Variants in VPS33B observed in about 807,000 individuals in gnomAD.
VPS33B encodes VPS33B late endosome and lysosome associated, also known as vacuolar protein sorting-associated protein 33B.
In VPS33B, 80 loss-of-function variants were observed where a neutral mutation model predicts 95.3. The ratio of observed to expected loss-of-function variants is 0.84; its 90% CI spans 0.70 to 1.01. VPS33B has a LOEUF of 1.01. Among genes scored for constraint, VPS33B ranks in the 50% least tolerant of loss-of-function variants. The probability of loss-of-function intolerance (pLI) is 0.00; values close to 1 mark genes in which losing one functional copy is unlikely to be tolerated. For synonymous variants in VPS33B, 280 were observed against 280.4 expected, an observed-to-expected ratio of 1.00 and a Z score of 0.01; for missense variants, 715 against 773.4, an observed-to-expected ratio of 0.92 and a Z score of 0.90.
Position 91,005,699 on chromosome 15 carries a change from C to T in VPS33B, c.1025G>A (p.Ser342Asn). Residue 342 changes from serine to asparagine, a missense_variant, in exon 13 of 23, where the codon AGT (serine) becomes AAT (asparagine). Ser to Asn is a conservative substitution (Grantham distance 46). Coordinates refer to ENST00000333371, the MANE Select transcript of VPS33B (RefSeq NM_018668.5). This position sits in a 1 kb window ranked among gnomAD's most constrained non-coding sequence, Gnocchi z 6.4. ...CCCCTCAAGCTGAAACCTACGGAGA[C>T]TCAGCAGGCGGTGCTCCTGTTTCAG... ...KGLKQEHRLL[S>N]LHIGACESIM... is the part of the protein sequence containing the mutation. The T allele has an allele frequency of 6.2e-7, 1 of 1,614,158 alleles. No individual in the cohort carries two copies. Among genetic ancestry groups the T allele is most frequent in the Non-Finnish European group, 8.5e-7 (1 of 1,180,024 alleles).
In VPS33B at chr15:91,017,365, T is replaced by TAAAAAAAAAAA. The variant is rs1272281030; in HGVS notation, c.178-342_178-341insTTTTTTTTTTT. On this transcript the variant is annotated intron_variant, in intron 2 of 22. Transcript: ENST00000333371. ...TAACAAGACTCCATCTCTACAAAATTAAATATATATATATATATATATATA... is the reference window on the plus strand; with the variant it reads ...TAACAAGACTCCATCTCTACAAAATTAAAAAAAAAAAAAATATATATATATATATATATATA... Among the ~76,000 whole-genome samples the TAAAAAAAAAAA allele has an allele frequency of 2.2e-3, 37 of 17,000 alleles. 5 individuals carry two copies. Among genetic ancestry groups the TAAAAAAAAAAA allele is most frequent in the Middle Eastern group, 0.038 (1 of 26 alleles). 11.2% of individuals were successfully genotyped at this position (17,000 alleles called of 152,430 possible).
rs770408602 is a variant in VPS33B, at chr15:90,999,903, T to G, written c.1654A>C (p.Thr552Pro). ...RLLNCSDFAFTDMTKEDKASS... is the reference protein window; with the variant it reads ...RLLNCSDFAFPDMTKEDKASS... ...CCCCACTGTTAATGCCACATACCTGTGAATGCAAAGTCACTGCAGTTGAGC... is the reference window on the plus strand; with the variant it reads ...CCCCACTGTTAATGCCACATACCTGGGAATGCAAAGTCACTGCAGTTGAGC... Residue 552 changes from threonine (T) to proline (P), a missense_variant, in exon 21 of 23, where the codon ACA (threonine) becomes CCA (proline). Physicochemically the swap from Thr to Pro is conservative, Grantham distance 38 (BLOSUM62 -1). Transcript: ENST00000333371. The surrounding 1 kb of genome is among the most constrained non-coding windows in gnomAD (Gnocchi z 5.1). The G allele has an allele frequency of 7.4e-5, 119 of 1,614,064 alleles. 1 individual carries two copies. Among genetic ancestry groups the G allele is most frequent in the Non-Finnish European group, 9.2e-5 (109 of 1,180,036 alleles).
At chr15:91,003,800 G>T (rs1000845970) in intron 16 of VPS33B, among the ~76,000 whole-genome samples, 2 of 152,212 alleles carry the variant, frequency 1.3e-5, no homozygotes, top group Non-Finnish European at 2.9e-5. Context: ...CAACTATTGA[G>T]AAATAGGAAA....
At position 91,013,129 on chromosome 15, in the gene VPS33B, A is replaced by C. The variant is rs1221412607; in HGVS notation, c.357+675T>G. Among the ~76,000 whole-genome samples the C allele has an allele frequency of 1.3e-5, 2 of 152,140 alleles. No individual in the cohort carries two copies. The highest frequency in any genetic ancestry group is 4.8e-5 in the African/African-American group (2 of 41,426). ...TAACATTGTGCACCATTACTATACT[A>C]GAGTTTGTGTTAGGGATACAGAGCA... On this transcript the variant is annotated intron_variant, in intron 5 of 22. Coordinates refer to ENST00000333371, the MANE Select transcript of VPS33B (RefSeq NM_018668.5). The surrounding 1 kb of genome is among the most constrained non-coding windows in gnomAD (Gnocchi z 4.5).
At chr15:91,003,843 A>G (rs1462925391) in intron 16 of VPS33B, among the ~76,000 whole-genome samples, 1 of 152,244 alleles carries the variant, frequency 6.6e-6, no homozygotes, top group East Asian at 1.9e-4. Flanking sequence ...GCACGGTCTT[A>G]TATGTTTTTC....
At position 91,013,922 on chromosome 15, in the gene VPS33B, T is replaced by C. The variant is rs2040849347; in HGVS notation, c.290-51A>G. 6.2e-7 allele frequency: 1 copy of C among 1,605,166 alleles called. No individual in the cohort carries two copies. The highest frequency in any genetic ancestry group is 1.1e-5 in the South Asian group (1 of 90,906). On this transcript the variant is annotated intron_variant, in intron 4 of 22. Coordinates refer to ENST00000333371, the MANE Select transcript of VPS33B (RefSeq NM_018668.5). This position sits in a 1 kb window ranked among gnomAD's most constrained non-coding sequence, Gnocchi z 4.5. ...GCAAGTCATGGGCCATCTGTTATGC[T>C]AGAAACAGGGAAGCTGCCGGGCACA... is the stretch of plus-strand genomic sequence containing the variant.
In VPS33B at chr15:91,013,444, T is replaced by C. The variant is rs137947635; in HGVS notation, c.357+360A>G. ...GGAGGTGCAGCCTAATAACAGGTGA[T>C]TGGGTTATGAGGGAGGAGTCCTCAT... is the stretch of plus-strand genomic sequence containing the variant. On this transcript the variant is annotated intron_variant, in intron 5 of 22. Transcript: ENST00000333371. This position sits in a 1 kb window ranked among gnomAD's most constrained non-coding sequence, Gnocchi z 4.5. 3.9e-5 allele frequency among the ~76,000 whole-genome samples: 6 copies of C among 152,204 alleles called. No individual in the cohort carries two copies. Among genetic ancestry groups the C allele is most frequent in the African/African-American group, 9.6e-5 (4 of 41,542 alleles).
chr15:91,015,206 C>A lies in VPS33B; in HGVS notation c.240-773G>T, dbSNP rs1292668620. On this transcript the variant is annotated intron_variant, in intron 3 of 22. Coordinates refer to ENST00000333371, the MANE Select transcript of VPS33B (RefSeq NM_018668.5). This position sits in a 1 kb window ranked among gnomAD's most constrained non-coding sequence, Gnocchi z 4.7. ...CAAAAATTGGCTGGGCATGGTGGCG[C>A]ATGTCTGTAATCCCAGCTACGCAGG... Among the ~76,000 whole-genome samples the A allele has an allele frequency of 2.0e-5, 3 of 151,554 alleles. No individual in the cohort carries two copies. The highest frequency in any genetic ancestry group is 7.3e-5 in the African/African-American group (3 of 41,148).
At chr15:91,021,902 T>C (rs994961107) in intron 1 of VPS33B, among the ~76,000 whole-genome samples, 3 of 152,168 alleles carry the variant, frequency 2.0e-5, no homozygotes, top group African/African-American at 7.2e-5. Flanking sequence ...CATCTTTCCG[T>C]CCCTAGGGAT....
chr15:91,018,535 A>G lies in VPS33B; in HGVS notation c.97-650T>C, dbSNP rs1432466606. ...ATGAGTAGGGTGTTGACATGGATGG[A>G]TGAAGAGGACAGTCCAGCAAAGATC... On this transcript the variant is annotated intron_variant, in intron 1 of 22. Transcript: ENST00000333371. This position sits in a 1 kb window ranked among gnomAD's most constrained non-coding sequence, Gnocchi z 4.7. Among the ~76,000 whole-genome samples, 1 of 152,178 alleles carries G rather than the reference A, an allele frequency of 6.6e-6. No individual in the cohort carries two copies. Among genetic ancestry groups the G allele is most frequent in the Non-Finnish European group, 1.5e-5 (1 of 68,032 alleles).
Position 91,005,447 on chromosome 15 carries a change from C to T in VPS33B, c.1038G>A (p.Gly346=). Residue 346 remains glycine, a synonymous_variant, in exon 14 of 23, where the codon GGG becomes GGA. Coordinates refer to ENST00000333371, the MANE Select transcript of VPS33B (RefSeq NM_018668.5). This position sits in a 1 kb window ranked among gnomAD's most constrained non-coding sequence, Gnocchi z 6.4. ...QEHRLLSLHI[G]ACESIMKKKT... is the part of the protein sequence containing the mutation. ...TCTTCTTCATGATGGATTCACAGGCCCCAATATCTGCAGGTTGGACAAAGG... is the reference window on the plus strand; with the variant it reads ...TCTTCTTCATGATGGATTCACAGGCTCCAATATCTGCAGGTTGGACAAAGG... 6.2e-7 allele frequency: 1 copy of T among 1,614,042 alleles called. No individual in the cohort carries two copies. The highest frequency in any genetic ancestry group is 8.5e-7 in the Non-Finnish European group (1 of 1,180,028).
rs2040368180 is a variant in VPS33B at position 90,999,406 on chromosome 15, C to T, written c.1774+271G>A. ...CAATCTCAGCTCACTGCAACCTCCA[C>T]CTCCCGGGTTCAAGCAATTCTCCTG... On this transcript the variant is annotated intron_variant, in intron 22 of 22. Transcript: ENST00000333371. The surrounding 1 kb of genome is among the most constrained non-coding windows in gnomAD (Gnocchi z 5.1). 7.9e-6 allele frequency: 4 copies of T among 504,436 alleles called. No individual in the cohort carries two copies. The highest frequency in any genetic ancestry group is 3.1e-5 in the Admixed American group (1 of 32,054). The allele number at this position is 504,436 out of a possible 1,614,324, so 31.2% of individuals were successfully genotyped here.
At chr15:91,012,988 T>A (rs892575483) in intron 5 of VPS33B, among the ~76,000 whole-genome samples, 26 of 152,150 alleles carry the variant, frequency 1.7e-4, no homozygotes, top group Non-Finnish European at 2.8e-4. Flanking sequence ...ATGGTTCTAG[T>A]AACCCAGGGG....
Position 91,002,154 on chromosome 15 carries a change from A to G in VPS33B, c.1301T>C (p.Phe434Ser). The change falls in exon 18 of 23, where the codon TTC (phenylalanine) becomes TCC (serine). Residue 434 changes from phenylalanine to serine, a missense_variant. Coordinates refer to ENST00000333371, the MANE Select transcript of VPS33B (RefSeq NM_018668.5). The surrounding 1 kb of genome is among the most constrained non-coding windows in gnomAD (Gnocchi z 4.7). ...GAGCCCAGCTCTTCGCAGATTGGAG[A>G]AGGTTAGCAGGTGCTCAGGGCCATA... ...QSYGPEHLLT[F>S]SNLRRAGLLT... The G allele has an allele frequency of 1.9e-6, 3 of 1,614,132 alleles. No homozygotes were observed. The highest frequency in any genetic ancestry group is 2.5e-6 in the Non-Finnish European group (3 of 1,180,010).
intron 1 of VPS33B, among the ~76,000 whole-genome samples, chr15:91,021,783 C>A (rs1596375415): frequency 6.6e-6 from 1 of 152,236 alleles, no homozygotes; most frequent in African/African-American, 2.4e-5. Flanking sequence ...ACTGTGAACT[C>A]TTCGGGTACA....
rs1353979896 is a variant in VPS33B at position 91,013,496 on chromosome 15, A to C, written c.357+308T>G. 2.0e-5 allele frequency among the ~76,000 whole-genome samples: 3 copies of C among 152,098 alleles called. No homozygotes were observed. Among genetic ancestry groups the C allele is most frequent in the Non-Finnish European group, 4.4e-5 (3 of 68,010 alleles). ...AATGGATTAATGTCCTTATGGCAGGAGTGGGTTGCTATAAGGCGAGTCCAG... is the reference window on the plus strand; with the variant it reads ...AATGGATTAATGTCCTTATGGCAGGCGTGGGTTGCTATAAGGCGAGTCCAG... On this transcript the variant is annotated intron_variant, in intron 5 of 22. Coordinates refer to ENST00000333371, the MANE Select transcript of VPS33B (RefSeq NM_018668.5). This position sits in a 1 kb window ranked among gnomAD's most constrained non-coding sequence, Gnocchi z 4.5.
chr15:90,999,120 A>T lies in VPS33B; in HGVS notation c.1775-66T>A. 6.8e-7 allele frequency: 1 copy of T among 1,478,232 alleles called. No individual in the cohort carries two copies. The highest frequency in any genetic ancestry group is 9.4e-7 in the Non-Finnish European group (1 of 1,063,812). The allele number at this position is 1,478,232 out of a possible 1,614,324, so 91.6% of individuals were successfully genotyped here. A position where few individuals can be genotyped will look rare whatever the true frequency, so the allele number is the denominator to read the frequency against. ...CTTAGGCCCCAACGGCAACCCATAG[A>T]GCCTCTCCAGTTCCACAGTCCCCAC... On this transcript the variant is annotated intron_variant, in intron 22 of 22. Coordinates refer to ENST00000333371, the MANE Select transcript of VPS33B (RefSeq NM_018668.5). The surrounding 1 kb of genome is among the most constrained non-coding windows in gnomAD (Gnocchi z 5.1).
rs1467191202 is a variant in VPS33B at position 91,018,815 on chromosome 15, TTTTG to T, written c.97-934_97-931del. Among the ~76,000 whole-genome samples the T allele has an allele frequency of 3.3e-5, 5 of 152,020 alleles. No homozygotes were observed. The highest frequency in any genetic ancestry group is 2.1e-4 in the South Asian group (1 of 4,828). On this transcript the variant is annotated intron_variant, in intron 1 of 22. Transcript: ENST00000333371. The surrounding 1 kb of genome is among the most constrained non-coding windows in gnomAD (Gnocchi z 4.7). ...TTTTTAAATCTTATTTGTTGTTTTG[TTTTG>T]TTTGTTTGTTTTTTGAGATGAAGTC...
In VPS33B at chr15:91,007,629, A is replaced by C. The variant is rs2040653379; in HGVS notation, c.499-56T>G. The C allele has an allele frequency of 2.5e-6, 4 of 1,582,852 alleles. No individual in the cohort carries two copies. The Admixed American group carries it at 6.7e-5, about 26-fold the overall frequency. On this transcript the variant is annotated intron_variant, in intron 7 of 22. Transcript: ENST00000333371. This position sits in a 1 kb window ranked among gnomAD's most constrained non-coding sequence, Gnocchi z 5.3. ...GAATCAACCCAGTAGGACCACCTGG[A>C]AAGTGGCTAGCCCTAGAAGCCCTGG...
Sources: gnomAD v4.1 joint callset for allele counts (sites outside exome capture counted in the v4.1 genomes callset) on GRCh38, gnomAD v4.1.1 for gene constraint, Gnocchi (gnomAD v3.1) non-coding constraint, MANE v1.5 for transcripts, NCBI Gene and HGNC (gene_info 2026-07-23, HGNC 2026-07-21) for gene names.